The following SLC15A5 variants were observed in gnomAD, a reference collection of about 807,000 sequenced individuals.
SLC15A5 encodes Peptide/histidine transporter ENSP00000340402.
In SLC15A5, 58 loss-of-function variants were observed where a neutral mutation model predicts 56.1. The observed-to-expected ratio is 1.03, with a 90% CI of 0.84 to 1.29. The LOEUF (loss-of-function observed/expected upper bound fraction) is 1.29. SLC15A5 is among the 50% of genes most tolerant of loss of function. The pLI is 0.00. For synonymous variants in SLC15A5, 264 were observed against 250.5 expected (o/e 1.05, Z -0.51); for missense variants, 681 against 672.1 (o/e 1.01, Z -0.15).
At chr12:16,198,701 C>T (rs1188508065) in intron 7 of SLC15A5, among the ~76,000 whole-genome samples, 1 of 152,164 alleles carries the variant, frequency 6.6e-6, no homozygotes, top group Non-Finnish European at 1.5e-5. Context: ...GGTCCTGAGA[C>T]TGGCATTCAA....
At chr12:16,204,575 T>A (rs1161683325) in intron 7 of SLC15A5, among the ~76,000 whole-genome samples, 1 of 151,776 alleles carries the variant, frequency 6.6e-6, no homozygotes, top group Non-Finnish European at 1.5e-5. Flanking sequence ...CTATATATCA[T>A]AAAATTATTA....
chr12:16,239,734 C>T lies in SLC15A5; in HGVS notation c.1109G>A (p.Ser370Asn). The part of the protein sequence containing the change: ...LILAPFLEYF[S>N]TCLFPSKRVG... ...TCTCTTAGAGGGAAACAGGCAGGTG[C>T]TGAAATACTCCAGAAAAGGAGCCAG... The change falls in exon 5 of 9, where the codon AGC becomes AAC. Residue 370 changes from serine (S) to asparagine (N), a missense_variant. Ser to Asn is a conservative substitution (Grantham distance 46, BLOSUM62 1). Coordinates refer to ENST00000344941, the MANE Select transcript of SLC15A5 (RefSeq NM_001170798.1). 1 of 1,537,330 alleles carries T rather than the reference C, an allele frequency of 6.5e-7. No homozygotes were observed. Among genetic ancestry groups the T allele is most frequent in the Non-Finnish European group, 8.7e-7 (1 of 1,146,924 alleles).
At chr12:16,230,860 T>C (rs1864290380) in intron 5 of SLC15A5, among the ~76,000 whole-genome samples, 1 of 151,740 alleles carries the variant, frequency 6.6e-6, no homozygotes, top group Non-Finnish European at 1.5e-5. Flanking sequence ...AAGGCAGAGC[T>C]TGTAGTGAGC....
At chr12:16,217,069 ATGC>A in intron 6 of SLC15A5, 45 bp from the exon 7 acceptor site, 1 of 1,504,838 alleles carries the variant, frequency 6.6e-7, no homozygotes, top group Non-Finnish European at 8.8e-7. Flanking sequence ...TCTCCTGAAA[ATGC>A]TTTCATAGAG....
At chr12:16,216,774 G>A in intron 7 of SLC15A5, 119 bp downstream of exon 7, 2 of 823,228 alleles carry the variant, frequency 2.4e-6, no homozygotes, top group Non-Finnish European at 3.6e-6. Context: ...TATCTTAATT[G>A]CAAAAGTGGA....
At position 16,189,835 on chromosome 12, in the gene SLC15A5, A is replaced by G. The variant is rs1863823406; in HGVS notation, c.1593-20T>C. 1 of 1,452,096 alleles carries G rather than the reference A, an allele frequency of 6.9e-7. No individual in the cohort carries two copies. The highest frequency in any genetic ancestry group is 1.4e-5 in the African/African-American group (1 of 70,142). The allele number at this position is 1,452,096 out of a possible 1,614,324, so 90.0% of individuals were successfully genotyped here. A position where few individuals can be genotyped will look rare whatever the true frequency, so the allele number is the denominator to read the frequency against. ...CAATATCTAAAAAAGAAAGAAAGAA[A>G]GCTTTTCTTAGGACCAGATGTAGAT... On this transcript the variant is annotated intron_variant, in intron 8 of 8. Transcript: ENST00000344941.
rs769835791 is a variant in SLC15A5 at position 16,189,650 on chromosome 12, G to A, written c.*18C>T. 2.0e-6 allele frequency: 3 copies of A among 1,465,470 alleles called. No individual in the cohort carries two copies. The highest frequency in any genetic ancestry group is 2.7e-6 in the Non-Finnish European group (3 of 1,112,588). 90.8% of individuals were successfully genotyped at this position (1,465,470 alleles called of 1,614,324 possible). On this transcript the variant is annotated 3_prime_UTR_variant, in exon 9 of 9. Transcript: ENST00000344941. Reference sequence around the variant, plus strand: ...AATGAATACTGTTCTCATAAGACAGGTAGACTCAAACACAGTTTCATAGGG... The same window carrying A: ...AATGAATACTGTTCTCATAAGACAGATAGACTCAAACACAGTTTCATAGGG...
intron 2 of SLC15A5, among the ~76,000 whole-genome samples, chr12:16,265,777 C>T (rs983089929): frequency 7.2e-5 from 11 of 152,284 alleles, no homozygotes; most frequent in Middle Eastern, 3.4e-3. Flanking sequence ...GCCACTACAC[C>T]CAGCTTCTTC....
chr12:16,224,457 C>G lies in SLC15A5; in HGVS notation c.1308G>C (p.Gln436His). The part of the protein sequence containing the change: ...SSMPCFYLIL[Q>H]YVLLGVAETL... ...TTTCCGCCACTCCAAGTAAAACATA[C>G]TGAAGAATCAGGTAGAAACAGGGCA... is the stretch of plus-strand genomic sequence containing the variant. The change falls in exon 6 of 9, where the codon CAG becomes CAC. Residue 436 changes from glutamine to histidine, a missense_variant. Gln to His is a conservative substitution (Grantham distance 24). Transcript: ENST00000344941. The G allele has an allele frequency of 6.5e-7, 1 of 1,537,168 alleles. No homozygotes were observed. Among genetic ancestry groups the G allele is most frequent in the Non-Finnish European group, 8.7e-7 (1 of 1,146,890 alleles).
intron 6 of SLC15A5, among the ~76,000 whole-genome samples, chr12:16,217,756 A>C (rs1030231019): frequency 6.6e-6 from 1 of 152,066 alleles, no homozygotes; most frequent in African/African-American, 2.4e-5. Context: ...CAAAGCCCTT[A>C]ATATGCATTA....
intron 5 of SLC15A5, among the ~76,000 whole-genome samples, chr12:16,228,459 C>T (rs1188092106): frequency 6.6e-6 from 1 of 152,202 alleles, no homozygotes; most frequent in Non-Finnish European, 1.5e-5. Flanking sequence ...CTCCTTCACT[C>T]TTCTGATCTC....
Position 16,235,268 on chromosome 12 carries a change from A to G in SLC15A5, c.1162+4413T>C, listed in dbSNP as rs1466366881. Among the ~76,000 whole-genome samples the G allele has an allele frequency of 2.7e-5, 4 of 147,508 alleles. No individual in the cohort carries two copies. The highest frequency in any genetic ancestry group is 4.5e-5 in the Non-Finnish European group (3 of 67,252). ...TAAGTATATATGTGTATATATATGT[A>G]TATGTATATATATGTATATATGTAT... On this transcript the variant is annotated intron_variant, in intron 5 of 8. Coordinates refer to ENST00000344941, the MANE Select transcript of SLC15A5 (RefSeq NM_001170798.1). This position sits in a 1 kb window ranked among gnomAD's most constrained non-coding sequence, Gnocchi z 4.1.
intron 3 of SLC15A5, among the ~76,000 whole-genome samples, chr12:16,257,122 G>C (rs564808560): frequency 6.6e-6 from 1 of 152,028 alleles, no homozygotes; most frequent in Admixed American, 6.5e-5. Context: ...CACATATGTG[G>C]GTGTGTGTGA....
intron 7 of SLC15A5, among the ~76,000 whole-genome samples, chr12:16,198,481 T>G (rs572527750): frequency 6.6e-6 from 1 of 152,096 alleles, no homozygotes; most frequent in Non-Finnish European, 1.5e-5. Flanking sequence ...AACAGAGAGG[T>G]CAAGTGAAAC....
intron 1 of SLC15A5, among the ~76,000 whole-genome samples, chr12:16,275,863 A>G (rs551933788): frequency 1.4e-4 from 21 of 152,104 alleles, no homozygotes; most frequent in African/African-American, 5.1e-4. Context: ...TAAGCAGAGT[A>G]AGTTAGTCTG....
intron 6 of SLC15A5, among the ~76,000 whole-genome samples, chr12:16,221,612 A>C (rs1864188539): frequency 6.6e-6 from 1 of 152,226 alleles, no homozygotes; most frequent in Non-Finnish European, 1.5e-5. Context: ...ATTGTGAATA[A>C]TTTATCTCTA....
At chr12:16,220,922 C>T (rs1230552528) in intron 6 of SLC15A5, among the ~76,000 whole-genome samples, 1 of 152,076 alleles carries the variant, frequency 6.6e-6, no homozygotes, top group Admixed American at 6.6e-5. Context: ...GGGTATGAGA[C>T]AGCTGAGGTG....
Position 16,235,296 on chromosome 12 carries a change from G to GTATATGTATA in SLC15A5, c.1162+4375_1162+4384dup, listed in dbSNP as rs1207765441. 1.4e-5 allele frequency among the ~76,000 whole-genome samples: 2 copies of GTATATGTATA among 147,202 alleles called. No individual in the cohort carries two copies. Among genetic ancestry groups the GTATATGTATA allele is most frequent in the African/African-American group, 5.0e-5 (2 of 39,964 alleles). ...TGTATATATATGTATATATGTATAT[G>GTATATGTATA]TATATGTATATATATGTATATATGT... On this transcript the variant is annotated intron_variant, in intron 5 of 8. Transcript: ENST00000344941. This position sits in a 1 kb window ranked among gnomAD's most constrained non-coding sequence, Gnocchi z 4.1.
intron 3 of SLC15A5, among the ~76,000 whole-genome samples, chr12:16,249,819 C>T (rs1428601967): frequency 2.0e-5 from 3 of 151,880 alleles, no homozygotes; most frequent in African/African-American, 4.8e-5. Context: ...TATGTGTGTG[C>T]GTATTCACAA....
Sources: gnomAD v4.1 joint callset for allele counts (sites outside exome capture counted in the v4.1 genomes callset) on GRCh38, gnomAD v4.1.1 for gene constraint, Gnocchi (gnomAD v3.1) non-coding constraint, MANE v1.5 for transcripts, NCBI Gene and HGNC (gene_info 2026-07-23, HGNC 2026-07-21) for gene names.